The following INTS6L variants were observed in gnomAD, a reference collection of about 807,000 sequenced individuals.
The protein encoded by INTS6L is integrator complex subunit 6 like.
INTS6L carries 18 observed loss-of-function variants against 64.7 expected under a neutral mutation model. The observed-to-expected ratio is 0.28, with a 90% CI of 0.19 to 0.41. INTS6L has a LOEUF of 0.41. Ranked by LOEUF, INTS6L falls within the 10% of genes least tolerant of loss-of-function variation. The pLI, the probability that INTS6L is intolerant of heterozygous loss-of-function variation, is 1.00. For missense variants in INTS6L, 533 were observed against 661.0 expected, an observed-to-expected ratio of 0.81 and a Z score of 2.12; for synonymous variants, 227 against 235.9, an observed-to-expected ratio of 0.96 and a Z score of 0.34.
intron 14 of INTS6L, 146 bp from the exon 15 acceptor site, chrX:135,577,047 C>T (rs2087247590): frequency 1.8e-6 from 1 of 561,099 alleles, no homozygotes; most frequent in South Asian, 3.2e-5. Context: ...GTTAATCTGG[C>T]ATGGGATTTA....
chrX:135,566,152 C>T (rs1318686467), intron 9 of INTS6L, among the ~76,000 whole-genome samples: 6 of 111,905 alleles, frequency 5.4e-5, no homozygotes, highest in South Asian at 7.4e-4. Context: ...AGTTTCATGA[C>T]GTTGGGCAAG....
In INTS6L at chrX:135,549,713, A is replaced by G; in HGVS notation, c.814A>G (p.Ile272Val). The change falls in exon 7 of 18, where the codon ATT (isoleucine) becomes GTT (valine). Residue 272 changes from isoleucine to valine, a missense_variant. Physicochemically the swap from Ile to Val is conservative, Grantham distance 29 (BLOSUM62 3). Coordinates refer to ENST00000639893, the MANE Select transcript of INTS6L (RefSeq NM_001351601.3). ...GCCATGGCATAGTTGTCATAAACTC[A>G]TTTATGTACGACCTAACTCTAAAAC... ...AQPWHSCHKL[I>V]YVRPNSKTGV... 1 of 1,210,910 alleles carries G rather than the reference A, an allele frequency of 8.3e-7. No homozygotes were observed. Among genetic ancestry groups the G allele is most frequent in the Non-Finnish European group, 1.1e-6 (1 of 894,443 alleles).
chrX:135,581,396 A>G (rs2087367396), intron 17 of INTS6L, 132 bp from the exon 18 acceptor site: 2 of 532,518 alleles, frequency 3.8e-6, no homozygotes, highest in South Asian at 6.9e-5. Flanking sequence ...GCTCTAAGAC[A>G]TATCTTTCCA....
intron 2 of INTS6L, among the ~76,000 whole-genome samples, chrX:135,523,601 A>G (rs149354784): frequency 4.8e-3 from 539 of 111,521 alleles, no homozygotes; most frequent in Non-Finnish European, 7.5e-3. Flanking sequence ...CAGTGCACAT[A>G]TTACTTTGTA....
chrX:135,575,130 A>G lies in INTS6L; in HGVS notation c.1788A>G (p.Glu596=). 8.3e-7 allele frequency: 1 copy of G among 1,211,605 alleles called. No individual in the cohort carries two copies. The highest frequency in any genetic ancestry group is 1.1e-6 in the Non-Finnish European group (1 of 895,319). Residue 596 remains glutamate (E), a synonymous_variant, in exon 14 of 18, where the codon GAA becomes GAG. Transcript: ENST00000639893. ...TTGCACAAATGGGTAACTATCAGGA[A>G]TATCTGAAGACATTGGCTTCTCCAC... ...VPVAQMGNYQ[E]YLKTLASPLR...
At chrX:135,525,910 T>C (rs2085721742) in intron 2 of INTS6L, among the ~76,000 whole-genome samples, 1 of 112,309 alleles carries the variant, frequency 8.9e-6, no homozygotes, top group Non-Finnish European at 1.9e-5. Flanking sequence ...ATGATCTTGC[T>C]TTCTTATCCA....
At position 135,581,809 on chromosome X, in the gene INTS6L, C is replaced by A; in HGVS notation, c.*173C>A. ...TCTGGCAGTGAAAGCTGGGCTTTTG[C>A]CTTAATAATTTTTTAAAGTATGAAT... On this transcript the variant is annotated 3_prime_UTR_variant, in exon 18 of 18. Coordinates refer to ENST00000639893, the MANE Select transcript of INTS6L (RefSeq NM_001351601.3). 2.5e-6 allele frequency: 1 copy of A among 407,459 alleles called. No individual in the cohort carries two copies. The highest frequency in any genetic ancestry group is 4.3e-6 in the Non-Finnish European group (1 of 234,271). 33.6% of individuals were successfully genotyped at this position (407,459 alleles called of 1,213,427 possible). A position where few individuals can be genotyped will look rare whatever the true frequency, so the allele number is the denominator to read the frequency against.
chrX:135,573,138 T>A, intron 12 of INTS6L, 105 bp downstream of exon 12: 1 of 708,290 alleles, frequency 1.4e-6, no homozygotes, highest in Non-Finnish European at 2.1e-6. Flanking sequence ...TATTTTGGAG[T>A]TAGTAGTTAA....
rs2086520813 is a variant in INTS6L, at chrX:135,552,079, A to G, written c.992A>G (p.Tyr331Cys). 1.7e-6 allele frequency: 2 copies of G among 1,209,812 alleles called. No homozygotes were observed. Among genetic ancestry groups the G allele is most frequent in the Non-Finnish European group, 2.2e-6 (2 of 894,874 alleles). The change falls in exon 8 of 18, where the codon TAT becomes TGT. Residue 331 changes from tyrosine to cysteine, a missense_variant. Tyr to Cys is a radical substitution (Grantham distance 194, BLOSUM62 -2). Coordinates refer to ENST00000639893, the MANE Select transcript of INTS6L (RefSeq NM_001351601.3). ...ATAGACAAACTTCCTTTTGACAAAT[A>G]TGAACTTGAACCTTCGCCCTTAACT... ...MVIDKLPFDKYELEPSPLTQY... is the reference protein window; with the variant it reads ...MVIDKLPFDKCELEPSPLTQY...
chrX:135,520,946 C>A lies in INTS6L; in HGVS notation c.-47C>A, dbSNP rs1556495832. ...AGGTGGCCGTACGCGGCAGTGAGGGCAAGAGGGCCGGGAGAGTGGGGAGCG... is the reference window on the plus strand; with the variant it reads ...AGGTGGCCGTACGCGGCAGTGAGGGAAAGAGGGCCGGGAGAGTGGGGAGCG... On this transcript the variant is annotated 5_prime_UTR_variant, in exon 1 of 18. Coordinates refer to ENST00000639893, the MANE Select transcript of INTS6L (RefSeq NM_001351601.3). 1 of 1,168,503 alleles carries A rather than the reference C, an allele frequency of 8.6e-7. No individual in the cohort carries two copies. Among genetic ancestry groups the A allele is most frequent in the Admixed American group, 2.2e-5 (1 of 45,299 alleles).
chrX:135,521,439 G>A, intron 2 of INTS6L, 121 bp downstream of exon 2: 1 of 709,271 alleles, frequency 1.4e-6, no homozygotes, highest in East Asian at 3.8e-5. Flanking sequence ...CGGCGAGGGG[G>A]TGCGCAGAGG....
chrX:135,557,832 C>T (rs782599258), intron 9 of INTS6L, among the ~76,000 whole-genome samples: 3 of 111,671 alleles, frequency 2.7e-5, no homozygotes, highest in East Asian at 2.8e-4. Context: ...TCAAGGGAGA[C>T]GATTAACAGA....
intron 2 of INTS6L, among the ~76,000 whole-genome samples, chrX:135,540,102 A>G (rs1351299137): frequency 1.8e-5 from 2 of 112,493 alleles, no homozygotes; most frequent in African/African-American, 3.2e-5. Flanking sequence ...AAAAAATGCA[A>G]TATCTGTGTG....
rs959840170 is a variant in INTS6L at position 135,520,906 on chromosome X, G to A, written c.-87G>A. On this transcript the variant is annotated 5_prime_UTR_variant, in exon 1 of 18. Transcript: ENST00000639893. ...CTTGCTCCTTGCTCCCCGGCTCTGCGAGAGTTGAGGGTTCAGGTGGCCGTA... is the reference window on the plus strand; with the variant it reads ...CTTGCTCCTTGCTCCCCGGCTCTGCAAGAGTTGAGGGTTCAGGTGGCCGTA... 4 of 987,438 alleles carry A rather than the reference G, an allele frequency of 4.1e-6. No individual in the cohort carries two copies. Among genetic ancestry groups the A allele is most frequent in the Admixed American group, 4.7e-5 (2 of 42,687 alleles). The allele number at this position is 987,438 out of a possible 1,213,427, so 81.4% of individuals were successfully genotyped here.
intron 2 of INTS6L, among the ~76,000 whole-genome samples, chrX:135,536,695 A>G (rs781942962): frequency 9.0e-6 from 1 of 111,702 alleles, no homozygotes; most frequent in South Asian, 3.8e-4. Context: ...AAATTAATGA[A>G]TCGGAGAAAT....
intron 12 of INTS6L, 77 bp downstream of exon 12, chrX:135,573,110 T>C: frequency 1.6e-5 from 14 of 886,029 alleles, no homozygotes; most frequent in Non-Finnish European, 2.1e-5. Context: ...CCTTTAGTTT[T>C]GAAATAATGG....
intron 2 of INTS6L, among the ~76,000 whole-genome samples, chrX:135,536,872 C>T (rs1556508906): frequency 1.8e-5 from 2 of 111,314 alleles, no homozygotes; most frequent in Non-Finnish European, 3.8e-5. Context: ...TATTCCTGAT[C>T]AAAGCTGGAG....
At chrX:135,575,339 A>G in intron 14 of INTS6L, 113 bp downstream of exon 14, 1 of 965,414 alleles carries the variant, frequency 1.0e-6, no homozygotes, top group Non-Finnish European at 1.4e-6. Context: ...TGTTTAAACA[A>G]TAAAATATGA....
chrX:135,573,907 G>A (rs941737580), intron 12 of INTS6L, 32 bp from the exon 13 acceptor site: 10 of 1,169,982 alleles, frequency 8.5e-6, no homozygotes, highest in Non-Finnish European at 1.1e-5. Context: ...AGCCTTAGGA[G>A]TAACTGAAAT....
Sources: allele counts gnomAD v4.1 joint callset (sites outside exome capture counted in the v4.1 genomes callset), GRCh38; gene constraint gnomAD v4.1.1; transcripts MANE v1.5; gene names NCBI Gene and HGNC (gene_info 2026-07-23, HGNC 2026-07-21).